The following LRPPRC variants were observed in gnomAD, a reference collection of about 807,000 sequenced individuals.
LRPPRC encodes the protein leucine-rich PPR motif-containing protein, mitochondrial.
Under a neutral mutation model 180.3 loss-of-function variants are expected in LRPPRC, and 120 were observed. That is an observed-to-expected ratio of 0.67 (90% confidence interval 0.57 to 0.77). The LOEUF is 0.77. Ranked by LOEUF, LRPPRC falls within the 30% of genes least tolerant of loss-of-function variation. LRPPRC has a pLI of 0.00. For missense variants in LRPPRC, 2,012 were observed against 1,657.2 expected, an observed-to-expected ratio of 1.21 and a Z score of -3.72; for synonymous variants, 723 against 600.0, an observed-to-expected ratio of 1.21 and a Z score of -3.00.
At chr2:43,984,355 T>C (rs557318101) in intron 1 of LRPPRC, among the ~76,000 whole-genome samples, 1 of 152,282 alleles carries the variant, frequency 6.6e-6, no homozygotes, top group East Asian at 1.9e-4. Flanking sequence ...AAACTTCCGC[T>C]ACAGGATATT....
intron 27 of LRPPRC, among the ~76,000 whole-genome samples, chr2:43,921,110 G>A (rs2105032430): frequency 6.6e-6 from 1 of 152,228 alleles, no homozygotes; most frequent in Non-Finnish European, 1.5e-5. Context: ...TGGACAACAT[G>A]GTGAAACCCC....
chr2:43,931,828 G>A (rs1028101317), intron 25 of LRPPRC, among the ~76,000 whole-genome samples: 3 of 152,076 alleles, frequency 2.0e-5, no homozygotes, highest in Non-Finnish European at 4.4e-5. Context: ...CCAGAATGAA[G>A]CTCTTTAGCA....
intron 30 of LRPPRC, among the ~76,000 whole-genome samples, chr2:43,908,858 C>A (rs6756365): frequency 0.54 from 81,649 of 152,058 alleles, 24,192 homozygotes; most frequent in East Asian, 0.96. Context: ...TCAAGGTTGA[C>A]CAAGTGACCT....
intron 36 of LRPPRC, among the ~76,000 whole-genome samples, chr2:43,890,762 C>A (rs1670462728): frequency 6.6e-6 from 1 of 152,166 alleles, no homozygotes; most frequent in Non-Finnish European, 1.5e-5. Context: ...ACAAGTTACA[C>A]TAGTTTCACT....
intron 9 of LRPPRC, 25 bp downstream of exon 9, chr2:43,974,125 T>C: frequency 6.2e-7 from 1 of 1,601,716 alleles, no homozygotes; most frequent in Non-Finnish European, 8.6e-7. Context: ...TTACATTGTC[T>C]ACAAAGTAAA....
intron 11 of LRPPRC, among the ~76,000 whole-genome samples, chr2:43,972,126 A>T (rs1252992216): frequency 1.3e-5 from 2 of 152,204 alleles, no homozygotes; most frequent in Non-Finnish European, 2.9e-5. Context: ...AGGATATTTT[A>T]AAAGGAGGAC....
chr2:43,897,459 C>T (rs545214420), intron 34 of LRPPRC, among the ~76,000 whole-genome samples: 41 of 152,144 alleles, frequency 2.7e-4, no homozygotes, highest in African/African-American at 9.4e-4. Context: ...AATACTAAAA[C>T]GAATGGTATA....
chr2:43,969,446 T>C (rs1045058133), intron 11 of LRPPRC, among the ~76,000 whole-genome samples: 16 of 151,448 alleles, frequency 1.1e-4, no homozygotes, highest in African/African-American at 3.6e-4. Flanking sequence ...TCTTAATTCC[T>C]GGCAGGTGCT....
chr2:43,935,154 A>G (rs1052972397), intron 23 of LRPPRC, among the ~76,000 whole-genome samples: 4 of 152,230 alleles, frequency 2.6e-5, no homozygotes, highest in Non-Finnish European at 5.9e-5. Context: ...AAAAGTCCAA[A>G]TAGATTAAGG....
At position 43,910,239 on chromosome 2, in the gene LRPPRC, C is replaced by CTTT. The variant is rs60273880; in HGVS notation, c.3275+2190_3275+2192dup. On this transcript the variant is annotated intron_variant, in intron 30 of 37. Coordinates refer to ENST00000260665, the MANE Select transcript of LRPPRC (RefSeq NM_133259.4). ...CAAGGAAACCTTTACATCTCTCTCC[C>CTTT]TTTTTTTTTTTTGAGACAGAGTCTT... is the stretch of plus-strand genomic sequence containing the variant. Among the ~76,000 whole-genome samples, 88 of 146,394 alleles carry CTTT rather than the reference C, an allele frequency of 6.0e-4. 1 individual carries two copies. The Middle Eastern group carries it at 0.018, about 29-fold the overall frequency.
At chr2:43,931,868 C>CCATGCAAATTG in intron 25 of LRPPRC, among the ~76,000 whole-genome samples, 1 of 151,912 alleles carries the variant, frequency 6.6e-6, no homozygotes, top group Non-Finnish European at 1.5e-5. Flanking sequence ...GCATGGCTTC[C>CCATGCAAATTG]CAGTTGGACC....
chr2:43,890,571 G>A (rs1438341127), intron 36 of LRPPRC, among the ~76,000 whole-genome samples: 1 of 152,146 alleles, frequency 6.6e-6, no homozygotes, highest in Non-Finnish European at 1.5e-5. Flanking sequence ...AAATTAGCCG[G>A]GCGTGGTGGC....
intron 27 of LRPPRC, among the ~76,000 whole-genome samples, chr2:43,923,618 G>A (rs1367866971): frequency 6.6e-6 from 1 of 152,062 alleles, no homozygotes; most frequent in Non-Finnish European, 1.5e-5. Flanking sequence ...AAGACTTGGT[G>A]ATGGGGCTGA....
Position 43,975,079 on chromosome 2 carries a change from C to T in LRPPRC, c.864+12G>A. On this transcript the variant is annotated intron_variant, in intron 7 of 37. Coordinates refer to ENST00000260665, the MANE Select transcript of LRPPRC (RefSeq NM_133259.4). ...TGATTTTAAAGTATGTTTATTTAGA[C>T]ATAAGTCATACCTGCTTAACATGGT... is the stretch of plus-strand genomic sequence containing the variant. The T allele has an allele frequency of 6.2e-7, 1 of 1,611,056 alleles. No individual in the cohort carries two copies. The highest frequency in any genetic ancestry group is 8.5e-7 in the Non-Finnish European group (1 of 1,179,194).
In LRPPRC at chr2:43,963,772, G is replaced by A. The variant is rs1198806892; in HGVS notation, c.1370-66C>T. On this transcript the variant is annotated intron_variant, in intron 11 of 37. Transcript: ENST00000260665. ...GAATAAAGTAAGAAAAGATCGGTAA[G>A]TTCAGTTCAATTATTTTCTGAATCA... The A allele has an allele frequency of 4.5e-6, 4 of 881,598 alleles. No homozygotes were observed. The African/African-American group carries it at 6.6e-5, about 14-fold the overall frequency. 54.6% of individuals were successfully genotyped at this position (881,598 alleles called of 1,614,324 possible). A position where few individuals can be genotyped will look rare whatever the true frequency, so the allele number is the denominator to read the frequency against.
chr2:43,912,672 A>T (rs944177572), intron 29 of LRPPRC, 114 bp from the exon 30 acceptor site: 2 of 744,238 alleles, frequency 2.7e-6, no homozygotes, highest in Non-Finnish European at 4.7e-6. Flanking sequence ...TTTTAATACC[A>T]ACCCACTGTT....
In LRPPRC at chr2:43,980,198, T is replaced by C. The variant is rs971790544; in HGVS notation, c.347-250A>G. On this transcript the variant is annotated intron_variant, in intron 2 of 37. Coordinates refer to ENST00000260665, the MANE Select transcript of LRPPRC (RefSeq NM_133259.4). ...ATGTAATCTGCAAAACTCTATCAAA[T>C]ACAAAAATACAAAGAACCTACTTTA... Among the ~76,000 whole-genome samples, 17 of 152,190 alleles carry C rather than the reference T, an allele frequency of 1.1e-4. No homozygotes were observed. The East Asian group carries it at 3.1e-3, about 28-fold the overall frequency.
At chr2:43,894,710 A>T (rs945648472) in intron 35 of LRPPRC, 81 bp from the exon 36 acceptor site, 1 of 765,982 alleles carries the variant, frequency 1.3e-6, no homozygotes, top group Non-Finnish European at 2.4e-6. Flanking sequence ...ACACTATATT[A>T]AAAATTTTCA....
intron 25 of LRPPRC, among the ~76,000 whole-genome samples, chr2:43,931,927 T>C (rs1488773168): frequency 6.6e-6 from 1 of 151,936 alleles, no homozygotes; most frequent in Non-Finnish European, 1.5e-5. Context: ...CTCCCTTCCC[T>C]TCATTCTAGT....
Sources: allele counts gnomAD v4.1 joint callset (sites outside exome capture counted in the v4.1 genomes callset), GRCh38; gene constraint gnomAD v4.1.1; transcripts MANE v1.5; gene names NCBI Gene and HGNC (gene_info 2026-07-23, HGNC 2026-07-21).